Variants in GRIP1 observed in about 807,000 individuals in gnomAD.
The protein encoded by GRIP1 is glutamate receptor interacting protein 1.
A neutral mutation model predicts 129.9 loss-of-function variants in GRIP1; 45 were observed. The ratio of observed to expected loss-of-function variants is 0.35; its 90% CI spans 0.27 to 0.44. The LOEUF is 0.44. Ranked by LOEUF, GRIP1 falls within the 20% of genes least tolerant of loss-of-function variation. The pLI is 1.00. For missense variants in GRIP1, 1,196 were observed against 1,396.8 expected, an observed-to-expected ratio of 0.86 and a Z score of 2.29; for synonymous variants, 530 against 520.8, an observed-to-expected ratio of 1.02 and a Z score of -0.24.
intron 1 of GRIP1, among the ~76,000 whole-genome samples, chr12:67,026,164 C>G (rs999819016): frequency 6.6e-6 from 1 of 152,082 alleles, no homozygotes; most frequent in African/African-American, 2.4e-5. Context: ...TAGATGCTCT[C>G]TGTCAACTAT....
chr12:67,046,374 G>A (rs1261424350), intron 1 of GRIP1, among the ~76,000 whole-genome samples: 1 of 152,138 alleles, frequency 6.6e-6, no homozygotes, highest in Non-Finnish European at 1.5e-5. Flanking sequence ...CTAATTCACG[G>A]CGATTCCCTT....
chr12:66,977,471 T>C (rs2042170782), intron 1 of GRIP1, among the ~76,000 whole-genome samples: 1 of 152,110 alleles, frequency 6.6e-6, no homozygotes, highest in Admixed American at 6.6e-5. Context: ...AAGAGTATGA[T>C]GAACACAAAA....
intron 1 of GRIP1, among the ~76,000 whole-genome samples, chr12:66,967,008 A>C (rs182117301): frequency 6.6e-6 from 1 of 152,188 alleles, no homozygotes; most frequent in East Asian, 1.9e-4. Context: ...CCATTTATTT[A>C]TTTTTTGTAT....
At chr12:67,004,619 A>C (rs1434451523) in intron 1 of GRIP1, among the ~76,000 whole-genome samples, 1 of 152,136 alleles carries the variant, frequency 6.6e-6, no homozygotes, top group African/African-American at 2.4e-5. Context: ...CAATCCATCC[A>C]TGACCCTGGT....
intron 1 of GRIP1, among the ~76,000 whole-genome samples, chr12:66,619,455 G>A (rs940597600): frequency 1.3e-5 from 2 of 151,974 alleles, no homozygotes; most frequent in Non-Finnish European, 2.9e-5. Flanking sequence ...CCACACTTAG[G>A]GACTATTTTC....
intron 11 of GRIP1, among the ~76,000 whole-genome samples, chr12:66,449,266 T>C (rs74664665): frequency 6.6e-6 from 1 of 152,236 alleles, no homozygotes; most frequent in Non-Finnish European, 1.5e-5. Flanking sequence ...AAATGCTGAA[T>C]AAATGAGGAA....
At chr12:66,929,964 T>G (rs1566082856) in intron 1 of GRIP1, among the ~76,000 whole-genome samples, 1 of 152,274 alleles carries the variant, frequency 6.6e-6, no homozygotes, top group South Asian at 2.1e-4. Flanking sequence ...CAATGTAAAT[T>G]TTAATTCGCC....
intron 1 of GRIP1, among the ~76,000 whole-genome samples, chr12:66,710,386 C>G (rs1203772157): frequency 6.6e-6 from 1 of 151,996 alleles, no homozygotes; most frequent in East Asian, 1.9e-4. Context: ...GAGAAGTACT[C>G]TATGGTTATC....
intron 1 of GRIP1, among the ~76,000 whole-genome samples, chr12:66,784,340 A>G (rs1428857221): frequency 6.6e-6 from 1 of 152,176 alleles, no homozygotes; most frequent in Non-Finnish European, 1.5e-5. Context: ...TTGATTATCT[A>G]TTATTTGCAC....
chr12:66,487,589 T>C (rs1255956437), intron 7 of GRIP1, among the ~76,000 whole-genome samples: 3 of 152,024 alleles, frequency 2.0e-5, no homozygotes, highest in Non-Finnish European at 4.4e-5. Flanking sequence ...GTCTGCAAAA[T>C]AACCAGCTAG....
chr12:66,841,932 A>G (rs2039725280), intron 1 of GRIP1, among the ~76,000 whole-genome samples: 1 of 152,208 alleles, frequency 6.6e-6, no homozygotes, highest in Admixed American at 6.5e-5. Context: ...AAAATAAAAC[A>G]TAGGACCAAA....
At chr12:66,412,579 T>C (rs1167185173) in intron 15 of GRIP1, among the ~76,000 whole-genome samples, 2 of 152,092 alleles carry the variant, frequency 1.3e-5, no homozygotes, top group African/African-American at 2.4e-5. Flanking sequence ...ATAAACAAGT[T>C]TGCAAAATAA....
At chr12:66,420,917 T>C in intron 14 of GRIP1, 128 bp from the exon 15 acceptor site, 1 of 675,622 alleles carries the variant, frequency 1.5e-6, no homozygotes, top group African/African-American at 1.8e-5. Flanking sequence ...GGTCAGCAAA[T>C]GAATTAGGAA....
chr12:66,958,473 A>C (rs2041875710), intron 1 of GRIP1, among the ~76,000 whole-genome samples: 1 of 152,136 alleles, frequency 6.6e-6, no homozygotes. Flanking sequence ...GGGAATAAAA[A>C]AATGCTCCTC....
chr12:66,998,009 A>T (rs1028826228), intron 1 of GRIP1, among the ~76,000 whole-genome samples: 1 of 152,242 alleles, frequency 6.6e-6, no homozygotes, highest in Admixed American at 6.5e-5. Flanking sequence ...CAAATTTTTA[A>T]AACCAAGACA....
At chr12:67,007,463 A>C (rs2042643082) in intron 1 of GRIP1, among the ~76,000 whole-genome samples, 1 of 152,196 alleles carries the variant, frequency 6.6e-6, no homozygotes, top group African/African-American at 2.4e-5. Context: ...TAATGCAAAG[A>C]AATAACTCCC....
intron 24 of GRIP1, among the ~76,000 whole-genome samples, chr12:66,351,620 C>T (rs1054129384): frequency 2.7e-5 from 4 of 145,910 alleles, no homozygotes; most frequent in Non-Finnish European, 5.9e-5. Context: ...GGCATGATCT[C>T]GGCTCACTGC....
At chr12:66,652,241 G>A (rs1469740799) in intron 1 of GRIP1, among the ~76,000 whole-genome samples, 1 of 152,134 alleles carries the variant, frequency 6.6e-6, no homozygotes, top group Admixed American at 6.5e-5. Context: ...CTTAGGAGGT[G>A]ATTGGATCAT....
intron 19 of GRIP1, among the ~76,000 whole-genome samples, chr12:66,386,875 G>A (rs1427024170): frequency 6.6e-6 from 1 of 152,158 alleles, no homozygotes; most frequent in African/African-American, 2.4e-5. Context: ...GTATTCAGAT[G>A]AGGCTGTGAT....
Sources: allele counts gnomAD v4.1 joint callset (sites outside exome capture counted in the v4.1 genomes callset), GRCh38; gene constraint gnomAD v4.1.1; transcripts MANE v1.5; gene names NCBI Gene and HGNC (gene_info 2026-07-23, HGNC 2026-07-21).